SBF2: variants seen among roughly 807,000 people sequenced by gnomAD.
The protein encoded by SBF2 is SET binding factor 2, also known as myotubularin-related protein 13.
In SBF2, 112 loss-of-function variants were observed where a neutral mutation model predicts 225.2. The ratio of observed to expected loss-of-function variants is 0.50; its 90% CI spans 0.43 to 0.58. SBF2 has a LOEUF of 0.58. Among genes scored for constraint, SBF2 ranks in the 20% least tolerant of loss-of-function variants. SBF2 has a pLI of 0.00. For synonymous variants in SBF2, 763 were observed against 773.3 expected, an observed-to-expected ratio of 0.99 and a Z score of 0.22; for missense variants, 1,996 against 2,206.2, an observed-to-expected ratio of 0.90 and a Z score of 1.91.
chr11:10,211,409 T>C (rs369788842), intron 1 of SBF2, among the ~76,000 whole-genome samples: 77 of 152,312 alleles, frequency 5.1e-4, no homozygotes, highest in African/African-American at 1.8e-3. Flanking sequence ...TTCTTTTTGG[T>C]AGCAGTGAAT....
chr11:9,892,366 C>A (rs1420884896), intron 17 of SBF2, among the ~76,000 whole-genome samples: 1 of 151,418 alleles, frequency 6.6e-6, no homozygotes, highest in Non-Finnish European at 1.5e-5. Flanking sequence ...TGATCCACCA[C>A]CAAAAAAAAG....
At chr11:10,238,291 C>T (rs1457635322) in intron 1 of SBF2, among the ~76,000 whole-genome samples, 1 of 151,970 alleles carries the variant, frequency 6.6e-6, no homozygotes, top group Non-Finnish European at 1.5e-5. Flanking sequence ...CACCGGCAAT[C>T]CCAGCTACTC....
intron 1 of SBF2, among the ~76,000 whole-genome samples, chr11:10,299,974 C>T (rs1442715200): frequency 6.6e-6 from 1 of 152,198 alleles, no homozygotes; most frequent in Non-Finnish European, 1.5e-5. Context: ...CTGATGACCT[C>T]TTTAATCTCA....
At chr11:9,789,982 C>T (rs1482302672) in intron 34 of SBF2, among the ~76,000 whole-genome samples, 1 of 152,170 alleles carries the variant, frequency 6.6e-6, no homozygotes, top group Non-Finnish European at 1.5e-5. Context: ...GGAGGAAGGC[C>T]AGACTAGGGT....
At chr11:10,288,048 T>C (rs1004320492) in intron 1 of SBF2, among the ~76,000 whole-genome samples, 5 of 152,084 alleles carry the variant, frequency 3.3e-5, no homozygotes, top group African/African-American at 1.2e-4. Flanking sequence ...CACCGGGGAA[T>C]GTAGTGGCAC....
intron 25 of SBF2, among the ~76,000 whole-genome samples, chr11:9,840,158 C>T (rs935039563): frequency 4.0e-5 from 6 of 150,876 alleles, no homozygotes; most frequent in Admixed American, 2.0e-4. Context: ...CACTTGAACC[C>T]GGGAGGTGGA....
chr11:9,977,361 C>T (rs879579450), intron 13 of SBF2, among the ~76,000 whole-genome samples: 2 of 151,942 alleles, frequency 1.3e-5, no homozygotes, highest in African/African-American at 2.4e-5. Context: ...GTGATGTGTG[C>T]CTGTAGTCCC....
chr11:9,979,624 C>T (rs964620126), intron 13 of SBF2, among the ~76,000 whole-genome samples: 1 of 152,098 alleles, frequency 6.6e-6, no homozygotes, highest in Admixed American at 6.5e-5. Flanking sequence ...AGTAACAGAT[C>T]TTGGCATGCA....
At chr11:10,124,488 C>T (rs1953642956) in intron 2 of SBF2, among the ~76,000 whole-genome samples, 1 of 152,108 alleles carries the variant, frequency 6.6e-6, no homozygotes, top group South Asian at 2.1e-4. Flanking sequence ...CATCATTTTT[C>T]AATTTTCCTG....
chr11:10,132,769 T>G (rs1175163901), intron 2 of SBF2, among the ~76,000 whole-genome samples: 1 of 148,944 alleles, frequency 6.7e-6, no homozygotes, highest in African/African-American at 2.5e-5. Context: ...TTTTGTTCTG[T>G]TATCTGGCCC....
chr11:10,049,605 C>T (rs991223404), intron 2 of SBF2, among the ~76,000 whole-genome samples: 1 of 151,052 alleles, frequency 6.6e-6, no homozygotes, highest in African/African-American at 2.4e-5. Flanking sequence ...GAGACTCCAT[C>T]TTAAAAAAAA....
At chr11:9,808,589 A>G in intron 31 of SBF2, 1 of 409,116 alleles carries the variant, frequency 2.4e-6, no homozygotes, top group Non-Finnish European at 4.5e-6. Context: ...ATAGAGAGCC[A>G]GGGGATGGAC....
chr11:9,871,204 C>G (rs1237851947), intron 17 of SBF2, among the ~76,000 whole-genome samples: 2 of 151,826 alleles, frequency 1.3e-5, no homozygotes, highest in African/African-American at 2.4e-5. Flanking sequence ...TCAGAGTGAA[C>G]AGAAAACCTA....
chr11:9,798,575 C>CTGT (rs1477413957), intron 32 of SBF2, among the ~76,000 whole-genome samples: 2 of 152,220 alleles, frequency 1.3e-5, no homozygotes, highest in Admixed American at 1.3e-4. Context: ...CCCTCACTCA[C>CTGT]TGTTTCCAAG....
chr11:9,856,685 T>TAA lies in SBF2; in HGVS notation c.2135_2136insTT (p.Ala713Ter), dbSNP rs1482217857. The TAA allele has an allele frequency of 6.2e-7, 1 of 1,614,032 alleles. No individual in the cohort carries two copies. On this transcript the variant is annotated frameshift_variant, in exon 19 of 40. Transcript: ENST00000256190. LOFTEE classifies it high-confidence loss of function. ...GTTGCTCAGCTGCCAGGTCCATTGCTGTCTTCTCCTGATAATGGTCATCAG... is the reference window on the plus strand; with the variant it reads ...GTTGCTCAGCTGCCAGGTCCATTGCTAAGTCTTCTCCTGATAATGGTCATCAG...
intron 1 of SBF2, among the ~76,000 whole-genome samples, chr11:10,288,794 T>C (rs1438903644): frequency 6.6e-6 from 1 of 152,196 alleles, no homozygotes; most frequent in Non-Finnish European, 1.5e-5. Flanking sequence ...TGCTCTGGGC[T>C]GAGCCTGCAA....
chr11:9,839,306 T>C (rs1855941791), intron 26 of SBF2, 192 bp downstream of exon 26: 1 of 634,922 alleles, frequency 1.6e-6, no homozygotes, highest in Non-Finnish European at 2.8e-6. Flanking sequence ...CCTTCTCACC[T>C]ACTAGAGGTA....
intron 1 of SBF2, among the ~76,000 whole-genome samples, chr11:10,197,717 T>G (rs750562025): frequency 3.9e-5 from 6 of 152,242 alleles, no homozygotes; most frequent in Non-Finnish European, 8.8e-5. Flanking sequence ...TCTCAAAAAT[T>G]GAAATCATTC....
chr11:10,217,249 T>C (rs1384069234), intron 1 of SBF2, among the ~76,000 whole-genome samples: 2 of 152,226 alleles, frequency 1.3e-5, no homozygotes, highest in African/African-American at 4.8e-5. Flanking sequence ...TTGTCCAATA[T>C]ATTCATTGCT....
Sources: allele counts gnomAD v4.1 joint callset (sites outside exome capture counted in the v4.1 genomes callset), GRCh38; gene constraint gnomAD v4.1.1; transcripts MANE v1.5; gene names NCBI Gene and HGNC (gene_info 2026-07-23, HGNC 2026-07-21).